ATR: variants seen among roughly 807,000 people sequenced by gnomAD.
The protein encoded by ATR is serine/threonine-protein kinase ATR.
ATR carries 142 observed loss-of-function variants against 305.3 expected under a neutral mutation model. That is an observed-to-expected ratio of 0.47 (90% CI 0.41 to 0.53). The LOEUF is 0.53. Among genes scored for constraint, ATR ranks in the 20% least tolerant of loss-of-function variants. The pLI is 0.00. For synonymous variants in ATR, 1,050 were observed against 1,068.1 expected (o/e 0.98, Z 0.33); for missense variants, 2,135 against 3,133.1 (o/e 0.68, Z 7.60).
intron 35 of ATR, among the ~76,000 whole-genome samples, chr3:142,491,462 G>A (rs1193472220): frequency 3.9e-5 from 6 of 152,114 alleles, no homozygotes; most frequent in African/African-American, 9.7e-5. Flanking sequence ...AGGCAGAGAT[G>A]GGAGAACTGG....
intron 3 of ATR, among the ~76,000 whole-genome samples, chr3:142,565,651 T>C (rs542051730): frequency 6.9e-6 from 1 of 145,094 alleles, no homozygotes; most frequent in South Asian, 2.1e-4. Flanking sequence ...GTCCCAGGTA[T>C]GCAGGAGGCT....
At chr3:142,558,506 A>C in intron 8 of ATR, 118 bp downstream of exon 8, 1 of 927,068 alleles carries the variant, frequency 1.1e-6, no homozygotes. Flanking sequence ...TGGGCGACAG[A>C]GTAAGACTCC....
chr3:142,519,821 G>A (rs2033065065), intron 23 of ATR, 37 bp from the exon 24 acceptor site: 2 of 1,416,256 alleles, frequency 1.4e-6, no homozygotes, highest in Middle Eastern at 1.8e-4. Flanking sequence ...AGTCCACAGT[G>A]AAGCAGATAA....
chr3:142,467,143 T>C (rs1184990788), intron 39 of ATR, among the ~76,000 whole-genome samples: 4 of 152,184 alleles, frequency 2.6e-5, no homozygotes. Context: ...TTTTCATCTA[T>C]AAACACTGAT....
chr3:142,493,058 G>A, intron 35 of ATR, 74 bp downstream of exon 35: 1 of 1,511,772 alleles, frequency 6.6e-7, no homozygotes, highest in Non-Finnish European at 9.0e-7. Flanking sequence ...TTATACATGT[G>A]CTTTGCCATA....
intron 35 of ATR, among the ~76,000 whole-genome samples, chr3:142,487,614 CT>C (rs2031023800): frequency 6.6e-6 from 1 of 152,120 alleles, no homozygotes; most frequent in Admixed American, 6.6e-5. Flanking sequence ...AATATAAAAT[CT>C]ACAAATAATA....
chr3:142,460,557 A>G (rs2071002933), intron 42 of ATR, among the ~76,000 whole-genome samples: 1 of 152,164 alleles, frequency 6.6e-6, no homozygotes, highest in Admixed American at 6.5e-5. Context: ...GGCAAGGAAC[A>G]TTAGCCTTCA....
intron 13 of ATR, among the ~76,000 whole-genome samples, chr3:142,552,177 T>C (rs1208449042): frequency 6.6e-6 from 1 of 152,208 alleles, no homozygotes; most frequent in Non-Finnish European, 1.5e-5. Context: ...GGAATGCTTT[T>C]ATACCGTTGG....
Position 142,522,794 on chromosome 3 carries a change from T to C in ATR, c.4200A>G (p.Leu1400=). Residue 1400 remains leucine, a synonymous_variant, in exon 23 of 47, where the codon CTA becomes CTG. Coordinates refer to ENST00000350721, the MANE Select transcript of ATR (RefSeq NM_001184.4). ...CAGCATACGCAAGGTAAGCTCTTGT[T>C]AGCTCCATCAATAATCCATAGGCAA... is the stretch of plus-strand genomic sequence containing the variant. ...SSFAYGLLME[L]TRAYLAYADN... The C allele has an allele frequency of 6.2e-7, 1 of 1,613,882 alleles. No homozygotes were observed. Among genetic ancestry groups the C allele is most frequent in the Non-Finnish European group, 8.5e-7 (1 of 1,179,890 alleles).
intron 30 of ATR, 64 bp from the exon 31 acceptor site, chr3:142,499,782 C>A: frequency 8.1e-7 from 1 of 1,229,628 alleles, no homozygotes; most frequent in South Asian, 1.2e-5. Flanking sequence ...AGAGATTTTT[C>A]ATTGGTTTAC....
chr3:142,535,330 AT>A, intron 20 of ATR, 125 bp from the exon 21 acceptor site: 3 of 1,058,806 alleles, frequency 2.8e-6, no homozygotes, highest in Non-Finnish European at 2.8e-6. Flanking sequence ...AAGTAATGAA[AT>A]TTCCATTCCT....
intron 16 of ATR, among the ~76,000 whole-genome samples, chr3:142,543,253 C>T (rs370710513): frequency 6.6e-6 from 1 of 152,168 alleles, no homozygotes; most frequent in African/African-American, 2.4e-5. Context: ...AAAAGAGGCA[C>T]AAGACCATGG....
At chr3:142,543,212 T>C (rs181790501) in intron 16 of ATR, among the ~76,000 whole-genome samples, 7 of 152,304 alleles carry the variant, frequency 4.6e-5, no homozygotes, top group Non-Finnish European at 8.8e-5. Context: ...TGATCTGACA[T>C]AGGGGATAAT....
chr3:142,459,197 T>C (rs1205481191), intron 43 of ATR, 30 bp downstream of exon 43: 3 of 1,613,474 alleles, frequency 1.9e-6, no homozygotes, highest in African/African-American at 2.7e-5. Flanking sequence ...CATTCAACCA[T>C]AACAACGTAT....
At chr3:142,530,318 T>A (rs555052858) in intron 21 of ATR, among the ~76,000 whole-genome samples, 2 of 152,320 alleles carry the variant, frequency 1.3e-5, no homozygotes, top group Non-Finnish European at 2.9e-5. Flanking sequence ...CAACTTTTTT[T>A]ATATCTGAAA....
intron 34 of ATR, 25 bp downstream of exon 34, chr3:142,496,336 A>ATATATATATATATATATATC (rs531114901): frequency 1.9e-6 from 1 of 522,178 alleles, no homozygotes; most frequent in African/African-American, 3.4e-5. Context: ...ATATATATAT[A>ATATATATATATATATATATC]TGATGACATT....
intron 22 of ATR, among the ~76,000 whole-genome samples, chr3:142,523,550 A>G (rs1027538147): frequency 6.6e-6 from 1 of 152,210 alleles, no homozygotes; most frequent in Non-Finnish European, 1.5e-5. Context: ...ATAGTCTTAG[A>G]GATTCACAAT....
At position 142,465,309 on chromosome 3, in the gene ATR, C is replaced by A. The variant is rs115906468; in HGVS notation, c.6898-69G>T. 55 of 1,243,128 alleles carry A rather than the reference C, an allele frequency of 4.4e-5. 1 individual carries two copies. The South Asian group carries it at 7.3e-4, about 17-fold the overall frequency. The allele number at this position is 1,243,128 out of a possible 1,614,324, so 77.0% of individuals were successfully genotyped here. On this transcript the variant is annotated intron_variant, in intron 40 of 46. Transcript: ENST00000350721. ...TGTGTAAATGTCTATATATTATAAA[C>A]CTTGAGTTATGTAAAAAAAAAAAAA... is the stretch of plus-strand genomic sequence containing the variant.
rs1309134396 is a variant in ATR at position 142,556,683 on chromosome 3, TAAAA to T, written c.1886-112_1886-109del. ...ACATTTGTGTATACATATATATAAA[TAAAA>T]GTCAAGTAACACTTAAAATACATTT... is the stretch of plus-strand genomic sequence containing the variant. On this transcript the variant is annotated intron_variant, in intron 8 of 46. Coordinates refer to ENST00000350721, the MANE Select transcript of ATR (RefSeq NM_001184.4). 5.6e-6 allele frequency: 6 copies of T among 1,066,006 alleles called. No individual in the cohort carries two copies. In the African/African-American group the frequency reaches 9.7e-5, roughly 17 times the overall value. 66.0% of individuals were successfully genotyped at this position (1,066,006 alleles called of 1,614,324 possible). A position where few individuals can be genotyped will look rare whatever the true frequency, so the allele number is the denominator to read the frequency against.
Sources: gnomAD v4.1 joint callset for allele counts (sites outside exome capture counted in the v4.1 genomes callset) on GRCh38, gnomAD v4.1.1 for gene constraint, MANE v1.5 for transcripts, NCBI Gene and HGNC (gene_info 2026-07-23, HGNC 2026-07-21) for gene names.